The following MGAT4C variants were observed in gnomAD, a reference collection of about 807,000 sequenced individuals.
MGAT4C encodes alpha-1,3-mannosyl-glycoprotein 4-beta-N-acetylglucosaminyltransferase C.
Under a neutral mutation model 40.1 loss-of-function variants are expected in MGAT4C, and 19 were observed. The observed-to-expected ratio is 0.47, with a 90% CI of 0.33 to 0.70. MGAT4C has a LOEUF of 0.70. MGAT4C is among the 30% of genes least tolerant of loss of function. The probability of loss-of-function intolerance (pLI) is 0.02; values close to 1 mark genes in which losing one functional copy is unlikely to be tolerated. For missense variants in MGAT4C, 491 were observed against 563.2 expected, an observed-to-expected ratio of 0.87 and a Z score of 1.30; for synonymous variants, 181 against 187.1, an observed-to-expected ratio of 0.97 and a Z score of 0.27.
chr12:86,608,835 A>G (rs1962141696), intron 2 of MGAT4C, among the ~76,000 whole-genome samples: 2 of 152,152 alleles, frequency 1.3e-5, no homozygotes, highest in South Asian at 4.1e-4. Context: ...GCATCACAAT[A>G]TTATACATAG....
At chr12:86,338,958 CAAAAAAAAAAAA>C (rs67462771) in intron 3 of MGAT4C, among the ~76,000 whole-genome samples, 1 of 66,118 alleles carries the variant, frequency 1.5e-5, no homozygotes, top group Non-Finnish European at 2.6e-5. Flanking sequence ...GACTCCATCT[CAAAAAAAAAAAA>C]AAAAAAAAAA....
chr12:86,304,522 C>A (rs937819229), intron 4 of MGAT4C, among the ~76,000 whole-genome samples: 1 of 150,582 alleles, frequency 6.6e-6, no homozygotes. Context: ...GAAGAAATGA[C>A]CAAGCTTTTA....
intron 4 of MGAT4C, among the ~76,000 whole-genome samples, chr12:86,303,160 T>C (rs1301307688): frequency 1.3e-5 from 2 of 150,656 alleles, no homozygotes; most frequent in African/African-American, 5.0e-5. Context: ...TTTATTGCTA[T>C]AATAAAAATG....
At chr12:86,595,373 A>G (rs566231773) in intron 2 of MGAT4C, among the ~76,000 whole-genome samples, 32 of 152,168 alleles carry the variant, frequency 2.1e-4, no homozygotes, top group African/African-American at 6.7e-4. Flanking sequence ...TCTACTAAAA[A>G]TACAAAAATT....
chr12:86,066,543 C>G lies in MGAT4C; in HGVS notation c.-56-16820G>C, dbSNP rs1270772143. Among the ~76,000 whole-genome samples, 6 of 152,030 alleles carry G rather than the reference C, an allele frequency of 3.9e-5. No homozygotes were observed. The East Asian group carries it at 1.2e-3, about 29-fold the overall frequency. ...CTGAAACTGGATCCCTTCCTTACAC[C>G]TTATACAAAAATTACCTCAAGATGG... On this transcript the variant is annotated intron_variant, in intron 1 of 4. Coordinates refer to ENST00000611864, the MANE Select transcript of MGAT4C (RefSeq NM_001351288.2).
intron 1 of MGAT4C, among the ~76,000 whole-genome samples, chr12:86,796,454 A>G (rs1282518672): frequency 6.6e-6 from 1 of 152,018 alleles, no homozygotes; most frequent in Admixed American, 6.6e-5. Flanking sequence ...TAAGTGAAAT[A>G]AGCCAGAAAT....
Position 86,397,038 on chromosome 12 carries a change from G to A in MGAT4C, c.-120+38119C>T, listed in dbSNP as rs1956275249. On this transcript the variant is annotated intron_variant, in intron 3 of 7. Transcript: ENST00000548651. ...CATTTCATGACCTCATTCAGACACAGTAAATATGAATTCTCAAAGATGGAG... is the reference window on the plus strand; with the variant it reads ...CATTTCATGACCTCATTCAGACACAATAAATATGAATTCTCAAAGATGGAG... Among the ~76,000 whole-genome samples the A allele has an allele frequency of 4.7e-5, 6 of 128,106 alleles. No homozygotes were observed. In the Admixed American group the frequency reaches 4.7e-4, roughly 10 times the overall value. The allele number at this position is 128,106 out of a possible 152,430, so 84.0% of individuals were successfully genotyped here. A position where few individuals can be genotyped will look rare whatever the true frequency, so the allele number is the denominator to read the frequency against.
At chr12:86,776,286 T>C (rs1324175514) in intron 1 of MGAT4C, among the ~76,000 whole-genome samples, 1 of 152,050 alleles carries the variant, frequency 6.6e-6, no homozygotes, top group East Asian at 1.9e-4. Flanking sequence ...TTTGAATATA[T>C]TGCATTTGAG....
chr12:86,509,376 T>C lies in MGAT4C; in HGVS notation c.-228-74111A>G, dbSNP rs1032422806. ...GTCAAAGATCAGATAGTTGTAGATA[T>C]GCAGCATTATTTCTGAGAGCTCTGT... On this transcript the variant is annotated intron_variant, in intron 2 of 7. Coordinates refer to the MGAT4C transcript ENST00000548651. Among the ~76,000 whole-genome samples the C allele has an allele frequency of 3.4e-3, 515 of 152,318 alleles. 1 individual carries two copies. Among genetic ancestry groups the C allele is most frequent in the African/African-American group, 0.012 (492 of 41,578 alleles).
At chr12:86,770,196 C>T (rs181125989) in intron 1 of MGAT4C, among the ~76,000 whole-genome samples, 1 of 151,774 alleles carries the variant, frequency 6.6e-6, no homozygotes, top group African/African-American at 2.4e-5. Flanking sequence ...GTGGAAAAAG[C>T]AGTTTTAATA....
At chr12:86,411,079 A>G (rs1320691960) in intron 3 of MGAT4C, among the ~76,000 whole-genome samples, 3 of 152,146 alleles carry the variant, frequency 2.0e-5, no homozygotes, top group Admixed American at 6.6e-5. Flanking sequence ...AACTTCTTTT[A>G]TTTATAAATT....
chr12:86,019,876 G>T (rs1008013052), intron 2 of MGAT4C, among the ~76,000 whole-genome samples: 1 of 152,050 alleles, frequency 6.6e-6, no homozygotes, highest in African/African-American at 2.4e-5. Context: ...TTGAGCAGTG[G>T]TTTGTAGTTC....
At chr12:86,434,995 T>C (rs533188699) in intron 3 of MGAT4C, among the ~76,000 whole-genome samples, 35 of 152,044 alleles carry the variant, frequency 2.3e-4, no homozygotes, top group African/African-American at 8.2e-4. Context: ...TATCTTGCTA[T>C]AACATAAAGG....
intron 2 of MGAT4C, among the ~76,000 whole-genome samples, chr12:86,437,097 A>G (rs1957150504): frequency 6.6e-6 from 1 of 151,546 alleles, no homozygotes; most frequent in Non-Finnish European, 1.5e-5. Context: ...AGTAATAGAC[A>G]AAAAAATCCC....
intron 2 of MGAT4C, among the ~76,000 whole-genome samples, chr12:86,718,754 G>T (rs1044366806): frequency 6.6e-6 from 1 of 152,098 alleles, no homozygotes; most frequent in Non-Finnish European, 1.5e-5. Context: ...ACCCTATTGT[G>T]AACTGTGCAG....
chr12:86,326,951 C>G (rs563892769), intron 4 of MGAT4C, among the ~76,000 whole-genome samples: 7 of 152,178 alleles, frequency 4.6e-5, no homozygotes, highest in African/African-American at 1.7e-4. Context: ...TGTCAGGAAG[C>G]CTTTTATATT....
chr12:86,008,903 A>G (rs909965126), intron 2 of MGAT4C, among the ~76,000 whole-genome samples: 5 of 152,050 alleles, frequency 3.3e-5, no homozygotes, highest in Non-Finnish European at 7.4e-5. Flanking sequence ...GATGGATTAT[A>G]CTTGCTGATT....
chr12:86,363,614 G>A (rs1202291339), intron 3 of MGAT4C, among the ~76,000 whole-genome samples: 1 of 151,840 alleles, frequency 6.6e-6, no homozygotes, highest in Non-Finnish European at 1.5e-5. Flanking sequence ...ATAAAGATTA[G>A]GCTTTAAAAC....
At chr12:86,216,718 A>C (rs1054780492) in intron 1 of MGAT4C, among the ~76,000 whole-genome samples, 5 of 152,206 alleles carry the variant, frequency 3.3e-5, no homozygotes, top group South Asian at 2.1e-4. Flanking sequence ...AGAAAAACTA[A>C]CCTGAATACT....
Sources: gnomAD v4.1 joint callset for allele counts (sites outside exome capture counted in the v4.1 genomes callset) on GRCh38, gnomAD v4.1.1 for gene constraint, MANE v1.5 for transcripts, NCBI Gene and HGNC (gene_info 2026-07-23, HGNC 2026-07-21) for gene names.